The following DTD1 variants were observed in gnomAD, a reference collection of about 807,000 sequenced individuals.
DTD1 encodes the protein D-tyrosyl-tRNA deacylase 1 homolog.
A neutral mutation model predicts 25.6 loss-of-function variants in DTD1; 13 were observed. The observed-to-expected ratio is 0.51, with a 90% CI of 0.33 to 0.81. The LOEUF is 0.81. Among genes scored for constraint, DTD1 ranks in the 30% least tolerant of loss-of-function variants. DTD1 has a pLI of 0.02. For missense variants in DTD1, 193 were observed against 266.4 expected (o/e 0.72, Z 1.92); for synonymous variants, 110 against 103.6 (o/e 1.06, Z -0.37).
At chr20:18,761,131 A>G (rs2061360744) in intron 5 of DTD1, among the ~76,000 whole-genome samples, 2 of 152,048 alleles carry the variant, frequency 1.3e-5, no homozygotes, top group Non-Finnish European at 2.9e-5. Flanking sequence ...GGTGCTGTCT[A>G]TCACCCCTTT....
chr20:18,748,809 G>A (rs1367556746), intron 5 of DTD1, among the ~76,000 whole-genome samples: 1 of 152,174 alleles, frequency 6.6e-6, no homozygotes, highest in Non-Finnish European at 1.5e-5. Context: ...TCACGGTAGT[G>A]CAGATTAGGT....
Position 18,596,053 on chromosome 20 carries a change from A to G in DTD1, c.182A>G (p.Lys61Arg), listed in dbSNP as rs1200250043. The G allele has an allele frequency of 1.2e-6, 2 of 1,614,096 alleles. No homozygotes were observed. Among genetic ancestry groups the G allele is most frequent in the Admixed American group, 3.3e-5 (2 of 60,018 alleles). ...CGTGTATTTGAGGATGAGAGTGGGA[A>G]GCACTGGTCGAAGAGTGTGATGGAC... The part of the protein sequence containing the change: ...NLRVFEDESG[K>R]HWSKSVMDKQ... The change falls in exon 3 of 6, where the codon AAG (lysine) becomes AGG (arginine). Residue 61 changes from lysine (K) to arginine (R), a missense_variant. By Grantham distance (26) the Lys-to-Arg change is conservative. Transcript: ENST00000377452.
chr20:18,635,031 T>C (rs929859119), intron 4 of DTD1, among the ~76,000 whole-genome samples: 2 of 152,194 alleles, frequency 1.3e-5, no homozygotes, highest in Non-Finnish European at 2.9e-5. Flanking sequence ...TCCTTTTCAC[T>C]CTGTTTTTAG....
chr20:18,646,568 C>T (rs1489090287), intron 4 of DTD1, among the ~76,000 whole-genome samples: 1 of 152,210 alleles, frequency 6.6e-6, no homozygotes, highest in African/African-American at 2.4e-5. Context: ...AGGACTCCTA[C>T]TAAGTGACTT....
intron 5 of DTD1, among the ~76,000 whole-genome samples, chr20:18,753,156 A>T (rs1317603034): frequency 3.9e-5 from 6 of 152,200 alleles, no homozygotes; most frequent in Admixed American, 6.5e-5. Flanking sequence ...TTTAAAATTC[A>T]CTTTCTCAGT....
In DTD1 at chr20:18,681,985, C is replaced by T. The variant is rs561476682; in HGVS notation, c.477+53752C>T. Among the ~76,000 whole-genome samples the T allele has an allele frequency of 3.9e-5, 6 of 152,278 alleles. No individual in the cohort carries two copies. The South Asian group carries it at 1.2e-3, about 32-fold the overall frequency. On this transcript the variant is annotated intron_variant, in intron 4 of 5. Transcript: ENST00000377452. ...TATGGATAAGGGAGATGAGTGGCAGCGGTGCCACTAGCCATGGGAGGGAGG... is the reference window on the plus strand; with the variant it reads ...TATGGATAAGGGAGATGAGTGGCAGTGGTGCCACTAGCCATGGGAGGGAGG...
chr20:18,638,856 A>G (rs16979439), intron 4 of DTD1, among the ~76,000 whole-genome samples: 1,772 of 152,278 alleles, frequency 0.012, 29 homozygotes, highest in African/African-American at 0.039. Context: ...AAGATTCTGG[A>G]TACACTTTGG....
At chr20:18,605,928 G>T (rs1480977218) in intron 3 of DTD1, among the ~76,000 whole-genome samples, 5 of 150,094 alleles carry the variant, frequency 3.3e-5, no homozygotes, top group African/African-American at 1.2e-4. Flanking sequence ...TTGACAAATG[G>T]GATCTAATTA....
chr20:18,700,690 C>T (rs989331011), intron 4 of DTD1, among the ~76,000 whole-genome samples: 2 of 152,050 alleles, frequency 1.3e-5, no homozygotes, highest in Admixed American at 6.6e-5. Flanking sequence ...ACCCTTTTGA[C>T]GTGGCGTCAG....
At chr20:18,666,435 C>T (rs543281759) in intron 4 of DTD1, among the ~76,000 whole-genome samples, 4 of 152,280 alleles carry the variant, frequency 2.6e-5, no homozygotes, top group African/African-American at 9.6e-5. Flanking sequence ...GGATTAAGCC[C>T]CATCTCCTGA....
At chr20:18,751,443 C>T (rs761149457) in intron 5 of DTD1, among the ~76,000 whole-genome samples, 3 of 152,092 alleles carry the variant, frequency 2.0e-5, no homozygotes, top group Non-Finnish European at 4.4e-5. Context: ...TTTCACTTTA[C>T]ATATGTGATA....
chr20:18,626,038 A>G (rs2060756168), intron 3 of DTD1, among the ~76,000 whole-genome samples: 1 of 152,186 alleles, frequency 6.6e-6, no homozygotes, highest in Admixed American at 6.5e-5. Flanking sequence ...TTTCTTTCAG[A>G]GTATACTTTT....
At chr20:18,610,642 G>A (rs1171936391) in intron 3 of DTD1, among the ~76,000 whole-genome samples, 1 of 152,190 alleles carries the variant, frequency 6.6e-6, no homozygotes, top group East Asian at 1.9e-4. Context: ...GGGTATGGTG[G>A]CTCTTGCCTG....
intron 4 of DTD1, among the ~76,000 whole-genome samples, chr20:18,709,260 C>T (rs1158690630): frequency 6.6e-6 from 1 of 152,120 alleles, no homozygotes. Context: ...TTTATATTGG[C>T]AGCCCTGCAC....
At chr20:18,600,450 C>A (rs1173228742) in intron 3 of DTD1, among the ~76,000 whole-genome samples, 1 of 152,176 alleles carries the variant, frequency 6.6e-6, no homozygotes, top group Non-Finnish European at 1.5e-5. Flanking sequence ...TGTTCTGTTC[C>A]ATTGGTCTGT....
intron 1 of DTD1, among the ~76,000 whole-genome samples, chr20:18,591,268 T>C (rs1266643117): frequency 6.6e-6 from 1 of 152,192 alleles, no homozygotes; most frequent in African/African-American, 2.4e-5. Flanking sequence ...AAGATAATTA[T>C]AAAACTGTCA....
chr20:18,662,283 A>T (rs1421992001), intron 4 of DTD1, among the ~76,000 whole-genome samples: 1 of 152,178 alleles, frequency 6.6e-6, no homozygotes, highest in Non-Finnish European at 1.5e-5. Flanking sequence ...TTTGTTGGCC[A>T]GGCTGGTCTC....
chr20:18,590,739 C>G (rs1455021594), intron 1 of DTD1, among the ~76,000 whole-genome samples: 2 of 152,178 alleles, frequency 1.3e-5, no homozygotes, highest in Admixed American at 1.3e-4. Context: ...TCCCAAAGTG[C>G]TGGGATTACA....
chr20:18,678,436 C>A (rs747960356), intron 4 of DTD1, among the ~76,000 whole-genome samples: 1 of 152,210 alleles, frequency 6.6e-6, no homozygotes, highest in Non-Finnish European at 1.5e-5. Context: ...CTACTTTAAC[C>A]CCACATCTCA....
Sources: gnomAD v4.1 joint callset for allele counts (sites outside exome capture counted in the v4.1 genomes callset) on GRCh38, gnomAD v4.1.1 for gene constraint, MANE v1.5 for transcripts, NCBI Gene and HGNC (gene_info 2026-07-23, HGNC 2026-07-21) for gene names.